XRCC4: variants seen among roughly 807,000 people sequenced by gnomAD.
The protein encoded by XRCC4 is X-ray repair cross complementing 4.
In XRCC4, 28 loss-of-function variants were observed where a neutral mutation model predicts 39.1. The observed-to-expected ratio is 0.72, with a 90% CI of 0.53 to 0.98. The LOEUF is 0.98. Among genes scored for constraint, XRCC4 ranks in the 50% least tolerant of loss-of-function variants. The pLI is 0.00. For missense variants in XRCC4, 350 were observed against 376.4 expected, an observed-to-expected ratio of 0.93 and a Z score of 0.58; for synonymous variants, 123 against 126.4, an observed-to-expected ratio of 0.97 and a Z score of 0.18.
chr5:83,125,305 A>G (rs1747205830), intron 3 of XRCC4, among the ~76,000 whole-genome samples: 2 of 151,986 alleles, frequency 1.3e-5, no homozygotes, highest in Admixed American at 6.6e-5. Context: ...TTTGTGGACT[A>G]TTTTTCTTCT....
intron 7 of XRCC4, 97 bp from the exon 8 acceptor site, chr5:83,353,034 T>A (rs1561488900): frequency 1.0e-6 from 1 of 959,312 alleles, no homozygotes; most frequent in Non-Finnish European, 1.5e-6. Context: ...GAAACAGGAT[T>A]TAACTGTCAT....
intron 4 of XRCC4, 106 bp downstream of exon 4, chr5:83,196,042 T>C (rs1366134204): frequency 5.9e-6 from 7 of 1,187,074 alleles, no homozygotes; most frequent in Non-Finnish European, 6.8e-6. Context: ...GATTAGCACA[T>C]ATATATTTAC....
chr5:83,100,998 A>G (rs1745906519), intron 1 of XRCC4, among the ~76,000 whole-genome samples: 1 of 152,068 alleles, frequency 6.6e-6, no homozygotes, highest in African/African-American at 2.4e-5. Flanking sequence ...AATATTTAAA[A>G]ATTATTTTTT....
chr5:83,168,611 G>A (rs905501543), intron 3 of XRCC4, among the ~76,000 whole-genome samples: 1 of 152,108 alleles, frequency 6.6e-6, no homozygotes, highest in South Asian at 2.1e-4. Flanking sequence ...CAAAATTTAA[G>A]TATGTACTAG....
chr5:83,363,681 T>C, the XRCC4 span, among the ~76,000 whole-genome samples: 100 of 152,312 alleles, frequency 6.6e-4, no homozygotes, highest in South Asian at 1.4e-3. Flanking sequence ...AGAGAGACTC[T>C]TTCTAGTACT....
At chr5:83,347,309 G>A (rs1756945872) in intron 7 of XRCC4, among the ~76,000 whole-genome samples, 1 of 152,122 alleles carries the variant, frequency 6.6e-6, no homozygotes, top group Non-Finnish European at 1.5e-5. Flanking sequence ...TTTTCACACT[G>A]CTATAAAGAC....
chr5:83,373,121 C>T, the XRCC4 span, among the ~76,000 whole-genome samples: 946 of 152,012 alleles, frequency 6.2e-3, 4 homozygotes, highest in Non-Finnish European at 8.7e-3. Flanking sequence ...TCTCACCTTC[C>T]TTCCACTTGC....
intron 6 of XRCC4, among the ~76,000 whole-genome samples, chr5:83,245,426 AT>A (rs1029859904): frequency 1.8e-4 from 28 of 152,108 alleles, no homozygotes; most frequent in Non-Finnish European, 3.7e-4. Flanking sequence ...CAATTAGTAG[AT>A]TTTTAAATAA....
chr5:83,119,998 C>CAAA (rs367806953), intron 3 of XRCC4, among the ~76,000 whole-genome samples: 3,615 of 61,886 alleles, frequency 0.058, 76 homozygotes, highest in South Asian at 0.2. Context: ...CCTTGTCTCA[C>CAAA]AAAAAAAAAA....
intron 7 of XRCC4, among the ~76,000 whole-genome samples, chr5:83,332,680 A>C (rs1756475245): frequency 6.6e-6 from 1 of 152,182 alleles, no homozygotes; most frequent in Non-Finnish European, 1.5e-5. Flanking sequence ...TTTTGAGAAA[A>C]ATTTATTTAT....
At chr5:83,194,778 G>C (rs1380060661) in intron 3 of XRCC4, among the ~76,000 whole-genome samples, 4 of 151,988 alleles carry the variant, frequency 2.6e-5, no homozygotes, top group African/African-American at 9.7e-5. Flanking sequence ...TTGTCTAGTT[G>C]GGATACTCTC....
chr5:83,221,744 A>T (rs1232079818), intron 6 of XRCC4, among the ~76,000 whole-genome samples: 1 of 151,862 alleles, frequency 6.6e-6, no homozygotes, highest in African/African-American at 2.4e-5. Flanking sequence ...AAGGTTATTA[A>T]GTATTTATTT....
At chr5:83,145,407 T>C (rs1179215274) in intron 3 of XRCC4, among the ~76,000 whole-genome samples, 3 of 151,962 alleles carry the variant, frequency 2.0e-5, no homozygotes, top group Non-Finnish European at 4.4e-5. Flanking sequence ...ATCTGAGGAG[T>C]ATTGGTTTTT....
At chr5:83,283,050 CAAAAA>C (rs199980796) in intron 7 of XRCC4, among the ~76,000 whole-genome samples, 1 of 58,250 alleles carries the variant, frequency 1.7e-5, no homozygotes. Context: ...ATAGCCAGAC[CAAAAA>C]AAAAAAAAAA....
chr5:83,276,869 TAACA>T (rs2112942821), intron 7 of XRCC4, among the ~76,000 whole-genome samples: 5 of 151,684 alleles, frequency 3.3e-5, no homozygotes, highest in Admixed American at 1.3e-4. Flanking sequence ...TTGTTGCTTA[TAACA>T]GAATCTTGTT....
At chr5:83,243,923 C>T (rs901010019) in intron 6 of XRCC4, among the ~76,000 whole-genome samples, 1 of 152,120 alleles carries the variant, frequency 6.6e-6, no homozygotes, top group Non-Finnish European at 1.5e-5. Context: ...AACTTAGAAT[C>T]CCTGCTGCAT....
chr5:83,248,085 C>T (rs1439485023), intron 6 of XRCC4, among the ~76,000 whole-genome samples: 1 of 151,982 alleles, frequency 6.6e-6, no homozygotes, highest in Non-Finnish European at 1.5e-5. Context: ...ACTACTCTCA[C>T]CAACTCAACT....
At chr5:83,258,808 A>G (rs1753650334) in intron 7 of XRCC4, 131 bp downstream of exon 7, 1 of 1,078,672 alleles carries the variant, frequency 9.3e-7, no homozygotes, top group African/African-American at 1.6e-5. Flanking sequence ...TTGGAATTGT[A>G]AAATGTTTGA....
At chr5:83,308,796 T>C (rs952360561) in intron 7 of XRCC4, among the ~76,000 whole-genome samples, 3 of 152,204 alleles carry the variant, frequency 2.0e-5, no homozygotes, top group Non-Finnish European at 2.9e-5. Flanking sequence ...ATATTTAGAT[T>C]GCACAATTAT....
Sources: gnomAD v4.1 joint callset for allele counts (sites outside exome capture counted in the v4.1 genomes callset) on GRCh38, gnomAD v4.1.1 for gene constraint, MANE v1.5 for transcripts, NCBI Gene and HGNC (gene_info 2026-07-23, HGNC 2026-07-21) for gene names.